Variants in METTL25B observed in about 807,000 individuals in gnomAD.
The protein encoded by METTL25B is methyltransferase like 25B.
Under a neutral mutation model 48.4 loss-of-function variants are expected in METTL25B, and 38 were observed. The ratio of observed to expected loss-of-function variants is 0.78; its 90% CI spans 0.61 to 1.03. The LOEUF is 1.03. Ranked by LOEUF, METTL25B falls within the 50% of genes least tolerant of loss-of-function variation. The probability of loss-of-function intolerance (pLI) is 0.00; values close to 1 mark genes in which losing one functional copy is unlikely to be tolerated. For missense variants in METTL25B, 537 were observed against 603.7 expected (o/e 0.89, Z 1.16); for synonymous variants, 230 against 254.5 (o/e 0.90, Z 0.92).
Position 156,734,009 on chromosome 1 carries a change from G to C in METTL25B, c.637G>C (p.Val213Leu), listed in dbSNP as rs772400974. The C allele has an allele frequency of 6.3e-7, 1 of 1,592,754 alleles. No individual in the cohort carries two copies. Among genetic ancestry groups the C allele is most frequent in the South Asian group, 1.1e-5 (1 of 88,324 alleles). The change falls in exon 6 of 8, where the codon GTG becomes CTG. Residue 213 changes from valine (V) to leucine (L), a missense_variant and splice_region_variant. By Grantham distance (32) the Val-to-Leu change is conservative. Coordinates refer to ENST00000368216, the MANE Select transcript of METTL25B (RefSeq NM_015997.4). Reference sequence around the variant, plus strand: ...CCTTTGTCCTTTCCTGCTTCCACAGGTGGTCCAAACCAGCCCTCGTCACTC... The same window carrying C: ...CCTTTGTCCTTTCCTGCTTCCACAGCTGGTCCAAACCAGCCCTCGTCACTC... ...LEKEEKRNPQ[V>L]VQTSPRHSPH...
intron 7 of METTL25B, 120 bp from the exon 8 acceptor site, chr1:156,736,512 C>A: frequency 1.7e-6 from 2 of 1,192,198 alleles, no homozygotes; most frequent in Non-Finnish European, 1.2e-6. Flanking sequence ...AGAACGGGGT[C>A]TCCTTAGCCC....
intron 1 of METTL25B, 128 bp downstream of exon 1, chr1:156,729,343 A>T: frequency 1.6e-6 from 1 of 627,098 alleles, no homozygotes. Context: ...CTTTTTCTGT[A>T]CAAGAAGGGG....
At chr1:156,733,948 AGGTGGCCTGG>A (rs1348045638) in intron 5 of METTL25B, 51 bp from the exon 6 acceptor site, 47 of 1,534,716 alleles carry the variant, frequency 3.1e-5, no homozygotes, top group Non-Finnish European at 4.0e-5. Flanking sequence ...CTGTGGCCTG[AGGTGGCCTGG>A]GGACAGCAAA....
At position 156,728,718 on chromosome 1, in the gene METTL25B, C is replaced by T. The variant is rs1456705438; in HGVS notation, c.-387C>T. ...GGAAGGCCGCGATAAACCGGAACTG[C>T]AGCCCGCCGGACACCTCCGGCTTCA... is the stretch of plus-strand genomic sequence containing the variant. On this transcript the variant is annotated 5_prime_UTR_variant, in exon 1 of 8. An upstream open reading frame in the 5' UTR gains an earlier in-frame stop. Coordinates refer to ENST00000368216, the MANE Select transcript of METTL25B (RefSeq NM_015997.4). The T allele has an allele frequency of 6.0e-6, 6 of 996,444 alleles. No individual in the cohort carries two copies. In the African/African-American group the frequency reaches 1.0e-4, roughly 17 times the overall value. The allele number at this position is 996,444 out of a possible 1,614,324, so 61.7% of individuals were successfully genotyped here.
At position 156,734,008 on chromosome 1, in the gene METTL25B, G is replaced by C. The variant is rs1435303163; in HGVS notation, c.637-1G>C. The C allele has an allele frequency of 6.3e-7, 1 of 1,592,572 alleles. No individual in the cohort carries two copies. Among genetic ancestry groups the C allele is most frequent in the Admixed American group, 1.7e-5 (1 of 58,256 alleles). ...GCCTTTGTCCTTTCCTGCTTCCACA[G>C]GTGGTCCAAACCAGCCCTCGTCACT... On this transcript the variant is annotated splice_acceptor_variant, in intron 5 of 7. Coordinates refer to ENST00000368216, the MANE Select transcript of METTL25B (RefSeq NM_015997.4). LOFTEE classifies it high-confidence loss of function.
chr1:156,728,655 G>A lies in METTL25B; in HGVS notation c.-450G>A. ...GGGCGGGGGCGGGATGCGCTCCCCG[G>A]CCCCTCTAGCCCCGTGGTGGTACAA... On this transcript the variant is annotated 5_prime_UTR_variant, in exon 1 of 8. Transcript: ENST00000368216. The A allele has an allele frequency of 1.0e-6, 1 of 986,166 alleles. No homozygotes were observed. The highest frequency in any genetic ancestry group is 4.6e-5 in the South Asian group (1 of 21,648). 61.1% of individuals were successfully genotyped at this position (986,166 alleles called of 1,614,324 possible).
chr1:156,730,423 G>T (rs944059895), intron 1 of METTL25B, among the ~76,000 whole-genome samples: 3 of 152,132 alleles, frequency 2.0e-5, no homozygotes, highest in African/African-American at 7.2e-5. Flanking sequence ...GAGTAAAATT[G>T]GTTTCAAATC....
chr1:156,731,647 G>A (rs1366354326), intron 1 of METTL25B, among the ~76,000 whole-genome samples: 1 of 152,252 alleles, frequency 6.6e-6, no homozygotes, highest in Non-Finnish European at 1.5e-5. Context: ...TCTGGTAAGT[G>A]TTAGGGATGC....
chr1:156,731,467 T>A (rs1162007510), intron 1 of METTL25B, among the ~76,000 whole-genome samples: 3 of 152,196 alleles, frequency 2.0e-5, no homozygotes, highest in African/African-American at 7.2e-5. Context: ...GGAGCCAGAA[T>A]CTTGTCTCAG....
chr1:156,729,371 C>CTGT, intron 1 of METTL25B, 156 bp downstream of exon 1: 1 of 511,366 alleles, frequency 2.0e-6, no homozygotes, highest in South Asian at 2.8e-5. Context: ...TGGAGTGATC[C>CTGT]CTCCTTTTTT....
chr1:156,729,201 G>T lies in METTL25B; in HGVS notation c.97G>T (p.Asp33Tyr). ...RVLALYRSIL[D>Y]AYIIEFFTDN... is the part of the protein sequence containing the mutation. ...CCTGGCACTCTACCGTTCCATCTTG[G>T]ATGCCTACATCATCGTGAGGCCACA... The change falls in exon 1 of 8, where the codon GAT (aspartate) becomes TAT (tyrosine). Residue 33 changes from aspartate to tyrosine, a missense_variant. Transcript: ENST00000368216. The T allele has an allele frequency of 6.2e-7, 1 of 1,608,396 alleles. No homozygotes were observed. Among genetic ancestry groups the T allele is most frequent in the Non-Finnish European group, 8.5e-7 (1 of 1,176,404 alleles).
At chr1:156,732,226 C>A (rs1259959561) in intron 2 of METTL25B, 55 bp from the exon 3 acceptor site, 1 of 1,608,140 alleles carries the variant, frequency 6.2e-7, no homozygotes, top group Admixed American at 1.7e-5. Context: ...TTGTAAACTG[C>A]TGCACTCAGA....
intron 1 of METTL25B, 59 bp from the exon 2 acceptor site, chr1:156,731,932 G>C: frequency 6.2e-7 from 1 of 1,606,354 alleles, no homozygotes; most frequent in Non-Finnish European, 8.5e-7. Flanking sequence ...GTTGAGAGTG[G>C]TGTGGGAAAG....
chr1:156,728,958 G>T lies in METTL25B; in HGVS notation c.-147G>T. Reference sequence around the variant, plus strand: ...TCTTCCACTCCAGCATCGGATCCCGGAAAGGCAGCGTCGGAGACTGGACCC... The same window carrying T: ...TCTTCCACTCCAGCATCGGATCCCGTAAAGGCAGCGTCGGAGACTGGACCC... On this transcript the variant is annotated 5_prime_UTR_variant, in exon 1 of 8. Transcript: ENST00000368216. 1 of 567,264 alleles carries T rather than the reference G, an allele frequency of 1.8e-6. No homozygotes were observed. 35.1% of individuals were successfully genotyped at this position (567,264 alleles called of 1,614,324 possible). A position where few individuals can be genotyped will look rare whatever the true frequency, so the allele number is the denominator to read the frequency against.
chr1:156,736,228 C>A, intron 7 of METTL25B: 1 of 261,168 alleles, frequency 3.8e-6, no homozygotes, highest in Non-Finnish European at 7.3e-6. Flanking sequence ...GGTATGGTGG[C>A]GCACACCTGT....
rs750340708 is a variant in METTL25B at position 156,729,093 on chromosome 1, C to T, written c.-12C>T. The T allele has an allele frequency of 1.3e-6, 2 of 1,559,950 alleles. No individual in the cohort carries two copies. The highest frequency in any genetic ancestry group is 3.4e-5 in the Admixed American group (2 of 59,310). The stretch of plus-strand genomic sequence containing the variant: ...GCGTTCTCGCTCCCCGCGCTCCCTG[C>T]TGGACCCCGGGATGCCGGGCATCTC... On this transcript the variant is annotated 5_prime_UTR_variant, in exon 1 of 8. Coordinates refer to ENST00000368216, the MANE Select transcript of METTL25B (RefSeq NM_015997.4).
chr1:156,731,964 C>G (rs1440660147), intron 1 of METTL25B, 27 bp from the exon 2 acceptor site: 2 of 1,613,322 alleles, frequency 1.2e-6, no homozygotes, highest in Non-Finnish European at 1.7e-6. Context: ...TAGTAGCTTG[C>G]TGATGGCTTC....
chr1:156,729,793 G>A (rs949296318), intron 1 of METTL25B, among the ~76,000 whole-genome samples: 1 of 152,062 alleles, frequency 6.6e-6, no homozygotes. Context: ...TCCTAGTCCG[G>A]GTTTCCTCAG....
Position 156,733,383 on chromosome 1 carries a change from C to CT in METTL25B, c.500dup (p.Ser168LeufsTer60). ...ATCCTCCTCGTGACTCCAGGGCCAT[C>CT]TCTCCCGCTTCATGGCTCTTGGCCT... On this transcript the variant is annotated frameshift_variant, in exon 5 of 8. Coordinates refer to ENST00000368216, the MANE Select transcript of METTL25B (RefSeq NM_015997.4). LOFTEE classifies it high-confidence loss of function. 1.2e-6 allele frequency: 2 copies of CT among 1,614,124 alleles called. No homozygotes were observed. The highest frequency in any genetic ancestry group is 1.7e-6 in the Non-Finnish European group (2 of 1,180,012).
Sources: gnomAD v4.1 joint callset for allele counts (sites outside exome capture counted in the v4.1 genomes callset) on GRCh38, gnomAD v4.1.1 for gene constraint, MANE v1.5 for transcripts, NCBI Gene and HGNC (gene_info 2026-07-23, HGNC 2026-07-21) for gene names.